The following TMEM217 variants were observed in gnomAD, a reference collection of about 807,000 sequenced individuals.
The protein encoded by TMEM217 is transmembrane protein 217.
For missense variants in TMEM217, 204 were observed against 248.8 expected (o/e 0.82, Z 1.21); for synonymous variants, 76 against 88.3 (o/e 0.86, Z 0.78).
downstream of TMEM217, among the ~76,000 whole-genome samples, chr6:37,213,488 T>C (rs1666349281): frequency 6.6e-6 from 1 of 152,242 alleles, no homozygotes; most frequent in African/African-American, 2.4e-5. Flanking sequence ...ATTTGCTCCC[T>C]GGGCATGGCC....
chr6:37,221,172 A>G lies in TMEM217; in HGVS notation c.-11-2131T>C, dbSNP rs567512665. On this transcript the variant is annotated intron_variant, in intron 1 of 1. Coordinates refer to ENST00000357219, the Ensembl canonical transcript of TMEM217. ...TTCTATTAATTTGACTACTCTGGAC[A>G]TGTCATGTAAGTGGAGTCTTTTTTT... is the stretch of plus-strand genomic sequence containing the variant. Among the ~76,000 whole-genome samples the G allele has an allele frequency of 6.0e-5, 9 of 150,356 alleles. No homozygotes were observed. In the South Asian group the frequency reaches 1.5e-3, roughly 24 times the overall value.
intron 1 of TMEM217, among the ~76,000 whole-genome samples, chr6:37,227,040 G>A (rs185135864): frequency 5.6e-4 from 85 of 152,260 alleles, no homozygotes; most frequent in African/African-American, 1.9e-3. Context: ...TTTTGCCCAG[G>A]CCTGTATATC....
chr6:37,254,001 G>C lies in TMEM217; in HGVS notation c.-12+3567C>G, dbSNP rs140177475. On this transcript the variant is annotated intron_variant, in intron 1 of 1. Transcript: ENST00000357219. ...TTTTGAATGAAGATGAAGTTGAGGG[G>C]GGGAAAGTAAAAACTTGCAGAAGCC... Among the ~76,000 whole-genome samples, 4 of 152,262 alleles carry C rather than the reference G, an allele frequency of 2.6e-5. No individual in the cohort carries two copies. The East Asian group carries it at 7.7e-4, about 29-fold the overall frequency.
intron 1 of TMEM217, among the ~76,000 whole-genome samples, chr6:37,219,291 C>CT (rs1226123108): frequency 6.6e-6 from 1 of 152,098 alleles, no homozygotes; most frequent in Non-Finnish European, 1.5e-5. Context: ...CTGGATCCAC[C>CT]TTAGAATCAC....
chr6:37,252,633 A>ATTTTTTT (rs1347062653), intron 1 of TMEM217, among the ~76,000 whole-genome samples: 1 of 75,278 alleles, frequency 1.3e-5, no homozygotes, highest in African/African-American at 5.7e-5. Context: ...ATATATATAT[A>ATTTTTTT]TATATTTTTT....
downstream of TMEM217, chr6:37,215,152 C>T (rs774646010): frequency 2.4e-5 from 38 of 1,602,326 alleles, no homozygotes; most frequent in Admixed American, 1.7e-5. Context: ...TCCCTTTCTG[C>T]CGCTAGCCAA....
chr6:37,258,015 C>T lies in TMEM217; in HGVS notation c.-459G>A, dbSNP rs373692996. ...GAGAGGGATAGGGGATTGGACCAAA[C>T]CCTTCCAGATCCTAATCCCTGAATC... is the stretch of plus-strand genomic sequence containing the variant. On this transcript the variant is annotated 5_prime_UTR_variant, in exon 1 of 2. Transcript: ENST00000357219. 44 of 1,604,996 alleles carry T rather than the reference C, an allele frequency of 2.7e-5. No individual in the cohort carries two copies. In the East Asian group the frequency reaches 9.5e-4, roughly 34 times the overall value.
chr6:37,252,020 A>G lies in TMEM217; in HGVS notation c.-12+5548T>C, dbSNP rs200624262. ...GCAATTCTTCTGCCTCAGCCTCCCG[A>G]GTAGCTGGGATTACAGGCATGCGCC... is the stretch of plus-strand genomic sequence containing the variant. On this transcript the variant is annotated intron_variant, in intron 1 of 1. Coordinates refer to ENST00000357219, the Ensembl canonical transcript of TMEM217. 2.9e-4 allele frequency among the ~76,000 whole-genome samples: 44 copies of G among 152,172 alleles called. 1 individual carries two copies. The East Asian group carries it at 7.9e-3, about 27-fold the overall frequency.
intron 1 of TMEM217, among the ~76,000 whole-genome samples, chr6:37,235,937 T>C (rs1014400421): frequency 1.3e-5 from 2 of 152,172 alleles, no homozygotes; most frequent in Admixed American, 1.3e-4. Flanking sequence ...TTTCAACACA[T>C]GAATTTTGGA....
At chr6:37,215,994 GGTGTGTGTGTGTGTGT>G (rs60725183), downstream of TMEM217, among the ~76,000 whole-genome samples, 32 of 148,850 alleles carry the variant, frequency 2.1e-4, no homozygotes, top group South Asian at 4.2e-4. Context: ...GGTTCTTCAG[GGTGTGTGTGTGTGTGT>G]GTGTGTGTGT....
chr6:37,214,651 GC>G (rs1219834027), downstream of TMEM217, among the ~76,000 whole-genome samples: 1 of 152,152 alleles, frequency 6.6e-6, no homozygotes, highest in Non-Finnish European at 1.5e-5. Flanking sequence ...GAATTTGCCT[GC>G]TCTAGGTGTC....
intron 1 of TMEM217, among the ~76,000 whole-genome samples, chr6:37,236,583 T>A (rs902927786): frequency 6.6e-6 from 1 of 152,208 alleles, no homozygotes; most frequent in Non-Finnish European, 1.5e-5. Flanking sequence ...CAGGCTTCAA[T>A]CTTGGCTTCA....
At chr6:37,233,213 C>A (rs947827705) in intron 1 of TMEM217, among the ~76,000 whole-genome samples, 5 of 152,040 alleles carry the variant, frequency 3.3e-5, no homozygotes, top group South Asian at 4.2e-4. Flanking sequence ...ACTCTTCTAC[C>A]CATTTCCCCA....
chr6:37,212,982 T>G (rs371147174), downstream of TMEM217: 5 of 1,542,972 alleles, frequency 3.2e-6, 1 homozygote, highest in East Asian at 2.5e-5. Flanking sequence ...TATACTTGTT[T>G]TACCAGAGCA....
chr6:37,243,165 G>A (rs948181095), intron 1 of TMEM217, among the ~76,000 whole-genome samples: 5 of 152,126 alleles, frequency 3.3e-5, no homozygotes, highest in African/African-American at 9.7e-5. Flanking sequence ...AGTCCACCAC[G>A]GAGATGTTGT....
chr6:37,231,118 C>T (rs1055281184), intron 1 of TMEM217, among the ~76,000 whole-genome samples: 6 of 151,492 alleles, frequency 4.0e-5, no homozygotes, highest in Non-Finnish European at 8.8e-5. Flanking sequence ...GGAGTGCAGG[C>T]GCATGATCTC....
At chr6:37,257,926 T>G (rs1765865697) in exon 1 of TMEM217, 2 of 1,613,950 alleles carry the variant, frequency 1.2e-6, no homozygotes, top group Non-Finnish European at 1.7e-6. Flanking sequence ...CAATGGCCGC[T>G]GAGAACAGCA....
chr6:37,245,121 C>A (rs1455169924), intron 1 of TMEM217, among the ~76,000 whole-genome samples: 1 of 152,196 alleles, frequency 6.6e-6, no homozygotes, highest in Non-Finnish European at 1.5e-5. Context: ...TGAGCCCAGT[C>A]AGAATGAGGA....
At chr6:37,236,594 C>A (rs577761524) in intron 1 of TMEM217, among the ~76,000 whole-genome samples, 1 of 152,180 alleles carries the variant, frequency 6.6e-6, no homozygotes, top group East Asian at 1.9e-4. Context: ...CTTGGCTTCA[C>A]CATTTACTGT....
Sources: gnomAD v4.1 joint callset for allele counts (sites outside exome capture counted in the v4.1 genomes callset) on GRCh38, gnomAD v4.1.1 for gene constraint, MANE v1.5 for transcripts, NCBI Gene and HGNC (gene_info 2026-07-23, HGNC 2026-07-21) for gene names.